Variants in CLTCL1 observed in about 807,000 individuals in gnomAD.
The protein encoded by CLTCL1 is clathrin heavy chain like 1.
A neutral mutation model predicts 190.0 loss-of-function variants in CLTCL1; 159 were observed. The observed-to-expected ratio is 0.84, with a 90% CI of 0.74 to 0.95. The LOEUF (loss-of-function observed/expected upper bound fraction) is 0.95, where lower values mean the gene tolerates loss of function less well. Among genes scored for constraint, CLTCL1 ranks in the 40% least tolerant of loss-of-function variants. CLTCL1 has a pLI of 0.00. For missense variants in CLTCL1, 1,878 were observed against 2,033.4 expected (o/e 0.92, Z 1.47); for synonymous variants, 752 against 769.6 (o/e 0.98, Z 0.38).
intron 1 of CLTCL1, among the ~76,000 whole-genome samples, chr22:19,287,781 G>A (rs1358060571): frequency 6.6e-6 from 1 of 151,912 alleles, no homozygotes; most frequent in Non-Finnish European, 1.5e-5. Context: ...CTGGACACTG[G>A]ACAAGATACA....
chr22:19,226,841 G>A (rs920880028), intron 11 of CLTCL1, among the ~76,000 whole-genome samples: 6 of 151,906 alleles, frequency 3.9e-5, no homozygotes, highest in Non-Finnish European at 8.8e-5. Context: ...AGGTTCAAGC[G>A]ATTCTCATGT....
At chr22:19,208,565 T>C (rs782715451) in intron 21 of CLTCL1, among the ~76,000 whole-genome samples, 2 of 152,062 alleles carry the variant, frequency 1.3e-5, no homozygotes, top group Non-Finnish European at 2.9e-5. Flanking sequence ...GGAGACAGAA[T>C]GCTTGTTCTG....
At chr22:19,208,673 T>C (rs1384918999) in intron 21 of CLTCL1, among the ~76,000 whole-genome samples, 10 of 151,784 alleles carry the variant, frequency 6.6e-5, no homozygotes, top group Non-Finnish European at 1.3e-4. Context: ...ACAGTGGCGA[T>C]ATTGAGATAT....
Position 19,222,740 on chromosome 22 carries a change from C to A in CLTCL1, c.2362G>T (p.Val788Phe). The change falls in exon 15 of 33, where the codon GTC becomes TTC. Residue 788 changes from valine to phenylalanine, a missense_variant. Transcript: ENST00000427926. ...AGGTTGTTGCGGTATAAATATAGGA[C>A]AAGGTCATGGACAAAGCCAAAACGA... ...CDRFGFVHDL[V>F]LYLYRNNLQR... is the part of the protein sequence containing the mutation. 1 of 1,598,880 alleles carries A rather than the reference C, an allele frequency of 6.3e-7. No individual in the cohort carries two copies. Among genetic ancestry groups the A allele is most frequent in the Non-Finnish European group, 8.5e-7 (1 of 1,172,742 alleles).
At chr22:19,217,027 T>A (rs2085406948) in intron 18 of CLTCL1, among the ~76,000 whole-genome samples, 1 of 152,196 alleles carries the variant, frequency 6.6e-6, no homozygotes, top group Admixed American at 6.5e-5. Flanking sequence ...CCTCTGACCA[T>A]GAACTTTCAC....
At chr22:19,190,494 G>A (rs1264881479) in intron 27 of CLTCL1, among the ~76,000 whole-genome samples, 2 of 151,506 alleles carry the variant, frequency 1.3e-5, no homozygotes, top group Non-Finnish European at 2.9e-5. Context: ...AGCACTGGAG[G>A]AGGCCAAGGC....
chr22:19,201,989 A>G (rs548637843), intron 22 of CLTCL1, among the ~76,000 whole-genome samples: 2 of 152,120 alleles, frequency 1.3e-5, no homozygotes, highest in African/African-American at 4.8e-5. Flanking sequence ...TGCCATAGCC[A>G]CACCTTACAC....
chr22:19,259,557 GT>G (rs1420390751), intron 2 of CLTCL1, among the ~76,000 whole-genome samples: 3 of 152,108 alleles, frequency 2.0e-5, no homozygotes, highest in Non-Finnish European at 4.4e-5. Context: ...TATTATATTT[GT>G]TATACTGCTC....
chr22:19,245,734 A>G (rs1303550956), intron 3 of CLTCL1, among the ~76,000 whole-genome samples: 1 of 152,214 alleles, frequency 6.6e-6, no homozygotes, highest in African/African-American at 2.4e-5. Context: ...CTGATTCTAA[A>G]TATTTCATAT....
chr22:19,275,970 C>T (rs1379987850), intron 1 of CLTCL1, 140 bp from the exon 2 acceptor site: 17 of 704,734 alleles, frequency 2.4e-5, no homozygotes, highest in South Asian at 1.5e-4. Flanking sequence ...CATTAGCTTG[C>T]TTTTCTACGC....
At chr22:19,216,075 T>TATCAA in intron 19 of CLTCL1, 36 bp downstream of exon 19, 1 of 1,605,156 alleles carries the variant, frequency 6.2e-7, no homozygotes, top group East Asian at 2.2e-5. Flanking sequence ...GTTTTGAATC[T>TATCAA]GCCTGTGTCC....
intron 14 of CLTCL1, among the ~76,000 whole-genome samples, chr22:19,223,457 G>T (rs193134832): frequency 6.6e-6 from 1 of 150,560 alleles, no homozygotes; most frequent in Non-Finnish European, 1.5e-5. Flanking sequence ...TGCTGAACAC[G>T]GCAAAGCAGC....
chr22:19,192,193 G>A lies in CLTCL1; in HGVS notation c.4192-758C>T, dbSNP rs140792807. On this transcript the variant is annotated intron_variant, in intron 26 of 32. Coordinates refer to ENST00000427926, the MANE Select transcript of CLTCL1 (RefSeq NM_007098.4). ...CCATTCTCCTGCCTCAGCCTCCTGA[G>A]TAGCTGGGACTACAGGCAGCTGCCA... Among the ~76,000 whole-genome samples, 699 of 151,782 alleles carry A rather than the reference G, an allele frequency of 4.6e-3. 6 individuals carry two copies. The highest frequency in any genetic ancestry group is 0.016 in the African/African-American group (651 of 41,346).
At chr22:19,209,235 A>T in intron 20 of CLTCL1, 121 bp from the exon 21 acceptor site, 1 of 821,740 alleles carries the variant, frequency 1.2e-6, no homozygotes, top group Non-Finnish European at 1.9e-6. Context: ...TTCAGTCAGA[A>T]GCAATCAGGT....
chr22:19,216,068 T>TCAAGCAG, intron 19 of CLTCL1, 43 bp downstream of exon 19: 1 of 1,596,288 alleles, frequency 6.3e-7, no homozygotes, highest in East Asian at 2.2e-5. Context: ...AGCAGATGTT[T>TCAAGCAG]TGAATCTGCC....
intron 27 of CLTCL1, among the ~76,000 whole-genome samples, chr22:19,188,934 T>G (rs2084403295): frequency 1.3e-5 from 2 of 151,912 alleles, no homozygotes; most frequent in African/African-American, 2.4e-5. Context: ...TTTCCTTCTT[T>G]TTTTTGGGGC....
rs180693117 is a variant in CLTCL1 at position 19,215,501 on chromosome 22, C to T, written c.3065+610G>A. On this transcript the variant is annotated intron_variant, in intron 19 of 32. Transcript: ENST00000427926. ...GGTGCCTGCCCATGCAAAAGAAGCACGCGCTCCCACCTCTATAGTGCTGGT... is the reference window on the plus strand; with the variant it reads ...GGTGCCTGCCCATGCAAAAGAAGCATGCGCTCCCACCTCTATAGTGCTGGT... Among the ~76,000 whole-genome samples the T allele has an allele frequency of 5.5e-4, 83 of 152,228 alleles. No homozygotes were observed. In the Middle Eastern group the frequency reaches 0.01, roughly 19 times the overall value.
intron 1 of CLTCL1, among the ~76,000 whole-genome samples, chr22:19,290,511 C>T (rs1171707347): frequency 6.6e-6 from 1 of 152,162 alleles, no homozygotes; most frequent in Non-Finnish European, 1.5e-5. Context: ...CAGAATGAAG[C>T]CCGGACAGAT....
intron 2 of CLTCL1, among the ~76,000 whole-genome samples, chr22:19,263,228 G>T (rs2087009400): frequency 6.6e-6 from 1 of 150,838 alleles, no homozygotes; most frequent in African/African-American, 2.4e-5. Flanking sequence ...TTGAGTAGGT[G>T]AGACTACAGG....
Sources: allele counts gnomAD v4.1 joint callset (sites outside exome capture counted in the v4.1 genomes callset), GRCh38; gene constraint gnomAD v4.1.1; transcripts MANE v1.5; gene names NCBI Gene and HGNC (gene_info 2026-07-23, HGNC 2026-07-21).